DNAJA3: variants seen among roughly 807,000 people sequenced by gnomAD.
DNAJA3 encodes the protein DnaJ heat shock protein family (Hsp40) member A3, also known as dnaJ homolog subfamily A member 3, mitochondrial.
Under a neutral mutation model 54.9 loss-of-function variants are expected in DNAJA3, and 29 were observed. The observed-to-expected ratio is 0.53, with a 90% CI of 0.39 to 0.72. The LOEUF is 0.72. Ranked by LOEUF, DNAJA3 falls within the 30% of genes least tolerant of loss-of-function variation. The pLI is 0.00. For missense variants in DNAJA3, 708 were observed against 639.4 expected (o/e 1.11, Z -1.16); for synonymous variants, 302 against 251.4 (o/e 1.20, Z -1.90).
At position 4,425,963 on chromosome 16, in the gene DNAJA3, C is replaced by G. The variant is rs1006885759; in HGVS notation, c.82C>G (p.Arg28Gly). The part of the protein sequence containing the change: ...RLPAISGRGA[R>G]PPREGVVGAW... ...GCCGGCTATATCGGGTAGAGGGGCC[C>G]GGCCGCCCAGGGAGGGCGTGGTGGG... Residue 28 changes from arginine to glycine, a missense_variant, in exon 1 of 12, where the codon CGG becomes GGG. By Grantham distance (125) the Arg-to-Gly change is moderately radical. Coordinates refer to ENST00000262375, the MANE Select transcript of DNAJA3 (RefSeq NM_005147.6). 5 of 1,578,180 alleles carry G rather than the reference C, an allele frequency of 3.2e-6. No individual in the cohort carries two copies. The African/African-American group carries it at 4.1e-5, about 13-fold the overall frequency.
rs551426006 is a variant in DNAJA3, at chr16:4,449,239, A to G, written c.1241+391A>G. On this transcript the variant is annotated intron_variant, in intron 9 of 11. Coordinates refer to ENST00000262375, the MANE Select transcript of DNAJA3 (RefSeq NM_005147.6). ...CCTCAATCTCCTGACCTAGTGATCC[A>G]CCCACCTTGGCCTCCCAAAGTGTTG... is the stretch of plus-strand genomic sequence containing the variant. Among the ~76,000 whole-genome samples the G allele has an allele frequency of 1.3e-3, 199 of 151,584 alleles. 1 individual carries two copies. The highest frequency in any genetic ancestry group is 1.0e-3 in the Non-Finnish European group (68 of 67,846).
At chr16:4,453,265 A>C (rs2056997441) in intron 10 of DNAJA3, among the ~76,000 whole-genome samples, 1 of 151,556 alleles carries the variant, frequency 6.6e-6, no homozygotes, top group South Asian at 2.1e-4. Flanking sequence ...GCTGCTGAAA[A>C]CCTTAAGAGC....
chr16:4,455,271 C>T (rs1017116217), intron 11 of DNAJA3, among the ~76,000 whole-genome samples: 1 of 152,148 alleles, frequency 6.6e-6, no homozygotes, highest in Non-Finnish European at 1.5e-5. Flanking sequence ...AGAGCCAGGC[C>T]TAGAACTCAG....
intron 5 of DNAJA3, 100 bp from the exon 6 acceptor site, chr16:4,442,913 AAAAC>A (rs1189486047): frequency 8.0e-6 from 11 of 1,370,006 alleles, no homozygotes; most frequent in Non-Finnish European, 1.0e-5. Flanking sequence ...ATGCACATAA[AAAAC>A]AAGCCTTAAA....
At chr16:4,450,354 A>C in intron 9 of DNAJA3, 46 bp from the exon 10 acceptor site, 1 of 1,509,578 alleles carries the variant, frequency 6.6e-7, no homozygotes, top group Non-Finnish European at 9.0e-7. Context: ...TTCTTTCCAA[A>C]GCTTCCCGGC....
intron 9 of DNAJA3, chr16:4,450,079 C>T (rs955150995): frequency 2.6e-5 from 6 of 232,128 alleles, no homozygotes; most frequent in African/African-American, 9.0e-5. Context: ...TGAGCCACTG[C>T]GCCTGGCCTA....
At chr16:4,455,028 T>A (rs1417409801) in intron 11 of DNAJA3, 101 bp downstream of exon 11, 1 of 797,934 alleles carries the variant, frequency 1.3e-6, no homozygotes, top group African/African-American at 1.7e-5. Context: ...CCCCCAGGAG[T>A]TGGAACAGGT....
chr16:4,427,876 C>T (rs1450017758), intron 1 of DNAJA3, among the ~76,000 whole-genome samples: 2 of 152,030 alleles, frequency 1.3e-5, no homozygotes, highest in Non-Finnish European at 2.9e-5. Context: ...CCAGGCTGGG[C>T]TAAAGTGATT....
chr16:4,429,278 A>G (rs1310428409), intron 1 of DNAJA3, among the ~76,000 whole-genome samples: 2 of 148,834 alleles, frequency 1.3e-5, no homozygotes, highest in Non-Finnish European at 3.0e-5. Context: ...CATGATCTTG[A>G]CTCACCGTGA....
At position 4,448,859 on chromosome 16, in the gene DNAJA3, C is replaced by T. The variant is rs1483569383; in HGVS notation, c.1241+11C>T. On this transcript the variant is annotated intron_variant, in intron 9 of 11. Transcript: ENST00000262375. ...GATACGAGTTCCAAAGTAAGTGCCC[C>T]CTAGGCTGTGGCCAAGCCCGCCTGG... 6.2e-7 allele frequency: 1 copy of T among 1,608,032 alleles called. No individual in the cohort carries two copies.
At chr16:4,432,269 C>T (rs542806442) in intron 1 of DNAJA3, among the ~76,000 whole-genome samples, 18 of 151,124 alleles carry the variant, frequency 1.2e-4, no homozygotes, top group African/African-American at 3.2e-4. Flanking sequence ...GCGATCCTCA[C>T]GCCTCAGGTT....
chr16:4,449,207 AG>A lies in DNAJA3; in HGVS notation c.1241+360del, dbSNP rs1220652625. Among the ~76,000 whole-genome samples, 475 of 151,824 alleles carry A rather than the reference AG, an allele frequency of 3.1e-3. 2 individuals are homozygous for A. Among genetic ancestry groups the A allele is most frequent in the African/African-American group, 0.011 (443 of 41,376 alleles). The stretch of plus-strand genomic sequence containing the variant: ...GAGATGGGGTTTCACCGTGTTAGCC[AG>A]AGTGGCCTCAATCTCCTGACCTAGT... On this transcript the variant is annotated intron_variant, in intron 9 of 11. Coordinates refer to ENST00000262375, the MANE Select transcript of DNAJA3 (RefSeq NM_005147.6).
chr16:4,440,862 C>G (rs116453012), intron 3 of DNAJA3: 5,432 of 158,566 alleles, frequency 0.034, 310 homozygotes, highest in African/African-American at 0.12. Flanking sequence ...GACCCAGCTA[C>G]TGTGGAGGCT....
At chr16:4,451,628 A>G (rs1169194943) in intron 10 of DNAJA3, among the ~76,000 whole-genome samples, 3 of 151,662 alleles carry the variant, frequency 2.0e-5, no homozygotes, top group African/African-American at 7.3e-5. Context: ...ATGGTGGTGC[A>G]TGCCTGTAAT....
chr16:4,434,616 G>C (rs2056749724), intron 2 of DNAJA3, 99 bp downstream of exon 2: 1 of 1,356,298 alleles, frequency 7.4e-7, no homozygotes, highest in Non-Finnish European at 1.0e-6. Flanking sequence ...CATATGAATA[G>C]GTCTCATGAG....
rs574804622 is a variant in DNAJA3 at position 4,425,941 on chromosome 16, G to T, written c.60G>T (p.Pro20=). The T allele has an allele frequency of 3.8e-6, 6 of 1,561,096 alleles. No individual in the cohort carries two copies. In the Admixed American group the frequency reaches 1.1e-4, roughly 30 times the overall value. The part of the protein sequence containing the change: ...LLVVVGTPRL[P]AISGRGARPP... ...TGGTTGTGGGGACCCCGCGGCTGCC[G>T]GCTATATCGGGTAGAGGGGCCCGGC... The change falls in exon 1 of 12, where the codon CCG becomes CCT. Residue 20 remains proline, a synonymous_variant. Coordinates refer to ENST00000262375, the MANE Select transcript of DNAJA3 (RefSeq NM_005147.6).
chr16:4,454,288 C>T (rs2057010461), intron 10 of DNAJA3, among the ~76,000 whole-genome samples: 1 of 152,138 alleles, frequency 6.6e-6, no homozygotes, highest in South Asian at 2.1e-4. Flanking sequence ...CATTATTTAC[C>T]TTCTTATAGC....
At chr16:4,445,443 C>T (rs777546777) in intron 7 of DNAJA3, among the ~76,000 whole-genome samples, 1 of 152,124 alleles carries the variant, frequency 6.6e-6, no homozygotes, top group Non-Finnish European at 1.5e-5. Flanking sequence ...TATTTAGGGA[C>T]ACGGAAATAC....
chr16:4,434,812 T>C (rs61263579), intron 2 of DNAJA3, among the ~76,000 whole-genome samples: 5,687 of 151,946 alleles, frequency 0.037, 348 homozygotes, highest in African/African-American at 0.13. Flanking sequence ...GTAGATATGC[T>C]AGTCTAAGTT....
Sources: gnomAD v4.1 joint callset for allele counts (sites outside exome capture counted in the v4.1 genomes callset) on GRCh38, gnomAD v4.1.1 for gene constraint, MANE v1.5 for transcripts, NCBI Gene and HGNC (gene_info 2026-07-23, HGNC 2026-07-21) for gene names.